The following BMP1 variants were observed in gnomAD, a reference collection of about 807,000 sequenced individuals.
BMP1 encodes bone morphogenetic protein 1.
Under a neutral mutation model 116.8 loss-of-function variants are expected in BMP1, and 63 were observed. That is an observed-to-expected ratio of 0.54 (90% CI 0.44 to 0.67). BMP1 has a LOEUF of 0.67. BMP1 is among the 30% of genes least tolerant of loss of function. BMP1 has a pLI of 0.00. For synonymous variants in BMP1, 536 were observed against 533.4 expected (o/e 1.00, Z -0.07); for missense variants, 1,183 against 1,358.9 (o/e 0.87, Z 2.04).
At chr8:22,205,860 C>T (rs1231220183) in intron 16 of BMP1, among the ~76,000 whole-genome samples, 3 of 152,172 alleles carry the variant, frequency 2.0e-5, no homozygotes, top group Non-Finnish European at 4.4e-5. Flanking sequence ...CAGGAGGTGG[C>T]CACAGAGGGG....
At chr8:22,199,426 C>T (rs1829194144) in intron 15 of BMP1, 2 of 1,249,702 alleles carry the variant, frequency 1.6e-6, no homozygotes, top group South Asian at 1.4e-5. Flanking sequence ...TGCCCACCTC[C>T]TCCACCCCAC....
Position 22,194,823 on chromosome 8 carries a change from C to T in BMP1, c.1543C>T (p.Pro515Ser), listed in dbSNP as rs1172233828. The T allele has an allele frequency of 1.9e-6, 3 of 1,614,094 alleles. No homozygotes were observed. Among genetic ancestry groups the T allele is most frequent in the East Asian group, 4.5e-5 (2 of 44,890 alleles). Residue 515 changes from proline (P) to serine (S), a missense_variant, in exon 12 of 20, where the codon CCT becomes TCT. Around this residue, in one of 4 missense-constraint regions of BMP1, gnomAD observed 956 missense variants for 1,135.2 expected, o/e 0.84. Transcript: ENST00000306385. This position sits in a 1 kb window ranked among gnomAD's most constrained non-coding sequence, Gnocchi z 4.5. The stretch of plus-strand genomic sequence containing the variant: ...CGGGCGCTACTGTGGCTATGAGAAG[C>T]CTGATGACATCAAGAGCACGTCCAG... ...LIGRYCGYEK[P>S]DDIKSTSSRL...
intron 13 of BMP1, chr8:22,196,320 C>CCCT (rs1829089287): frequency 1.8e-6 from 1 of 569,014 alleles, no homozygotes. Flanking sequence ...TGCTGTGCCC[C>CCCT]CGAGCTGCTC....
At chr8:22,165,668 A>G (rs1828073737) in intron 1 of BMP1, 115 bp downstream of exon 1, 1 of 1,217,270 alleles carries the variant, frequency 8.2e-7, no homozygotes, top group African/African-American at 1.6e-5. Context: ...CCTGGTTGGC[A>G]ATGCAGTGGG....
chr8:22,210,371 T>C (rs1402898149), intron 19 of BMP1, among the ~76,000 whole-genome samples: 4 of 147,784 alleles, frequency 2.7e-5, no homozygotes, highest in African/African-American at 1.0e-4. Flanking sequence ...CTTCTTCTTT[T>C]TTTTTTTTTT....
rs945755549 is a variant in BMP1, at chr8:22,192,103, G to A, written c.1132G>A (p.Asp378Asn). 3.1e-6 allele frequency: 5 copies of A among 1,613,834 alleles called. No homozygotes were observed. The African/African-American group carries it at 4.0e-5, about 13-fold the overall frequency. Residue 378 changes from aspartate to asparagine, a missense_variant, in exon 9 of 20, where the codon GAC becomes AAC. By Grantham distance (23) the Asp-to-Asn change is conservative. Transcript: ENST00000306385. ...DLYRSRLCWY[D>N]YVEVRDGFWR... ...GTACCGCAGCCGCCTGTGCTGGTAC[G>A]ACTATGTGGAGGTCCGAGATGGCTT...
At chr8:22,191,995 G>A in intron 8 of BMP1, 54 bp from the exon 9 acceptor site, 1 of 1,490,682 alleles carries the variant, frequency 6.7e-7, no homozygotes, top group Admixed American at 1.7e-5. Flanking sequence ...GGCTGGCAGA[G>A]GGCTGGTGCA....
intron 16 of BMP1, among the ~76,000 whole-genome samples, chr8:22,203,825 G>A (rs1829304682): frequency 6.6e-6 from 1 of 152,148 alleles, no homozygotes; most frequent in Non-Finnish European, 1.5e-5. Context: ...AGCTAGAGGG[G>A]ACCTTATACT....
intron 8 of BMP1, among the ~76,000 whole-genome samples, chr8:22,190,457 G>C (rs1352997239): frequency 6.6e-6 from 1 of 152,192 alleles, no homozygotes; most frequent in Non-Finnish European, 1.5e-5. Flanking sequence ...GATGAGAACT[G>C]ACGGAAAGGC....
At chr8:22,176,003 T>C (rs781765711) in intron 2 of BMP1, 140 bp from the exon 3 acceptor site, 34 of 879,264 alleles carry the variant, frequency 3.9e-5, no homozygotes, top group South Asian at 1.4e-4. Flanking sequence ...CCTGAGAGTA[T>C]TGATTTTGGG....
chr8:22,207,544 A>T (rs761456878), intron 18 of BMP1, 28 bp downstream of exon 18: 2 of 1,606,910 alleles, frequency 1.2e-6, no homozygotes, highest in East Asian at 4.5e-5. Flanking sequence ...GGGAGTGTTC[A>T]CTGAGCCTGG....
rs1398538193 is a variant in BMP1 at position 22,176,203 on chromosome 8, C to G, written c.323C>G (p.Ala108Gly). Residue 108 changes from alanine (A) to glycine (G), a missense_variant, in exon 3 of 20, where the codon GCC becomes GGC. Ala to Gly is a moderately conservative substitution (Grantham distance 60). Transcript: ENST00000306385. ...QSTNGQPQRG[A>G]CGRWRGRSRS... is the part of the protein sequence containing the mutation. Reference sequence around the variant, plus strand: ...ACCAACGGGCAGCCTCAGAGGGGAGCCTGTGGGAGATGGAGAGGTAGATCC... The same window carrying G: ...ACCAACGGGCAGCCTCAGAGGGGAGGCTGTGGGAGATGGAGAGGTAGATCC... 1.2e-6 allele frequency: 2 copies of G among 1,614,162 alleles called. No individual in the cohort carries two copies. Among genetic ancestry groups the G allele is most frequent in the Admixed American group, 1.7e-5 (1 of 60,018 alleles).
intron 8 of BMP1, among the ~76,000 whole-genome samples, chr8:22,181,371 G>C (rs1828615476): frequency 6.6e-6 from 1 of 152,102 alleles, no homozygotes; most frequent in Non-Finnish European, 1.5e-5. Flanking sequence ...ACCTCCTTCA[G>C]GAAGCCTTCC....
At position 22,197,277 on chromosome 8, in the gene BMP1, T is replaced by C. The variant is rs1443366206; in HGVS notation, c.1964T>C (p.Leu655Pro). ...GACTTCGTGGAGGTGCGCAGTGGACTCACAGCTGACTCCAAGCTGCATGGC... is the reference window on the plus strand; with the variant it reads ...GACTTCGTGGAGGTGCGCAGTGGACCCACAGCTGACTCCAAGCTGCATGGC... ...KYDFVEVRSG[L>P]TADSKLHGKF... Residue 655 changes from leucine (L) to proline (P), a missense_variant, in exon 15 of 20, where the codon CTC becomes CCC. Around this residue, in one of 4 missense-constraint regions of BMP1, gnomAD observed 956 missense variants for 1,135.2 expected, o/e 0.84. Coordinates refer to ENST00000306385, the MANE Select transcript of BMP1 (RefSeq NM_006129.5). 1 of 1,613,766 alleles carries C rather than the reference T, an allele frequency of 6.2e-7. No individual in the cohort carries two copies. Among genetic ancestry groups the C allele is most frequent in the South Asian group, 1.1e-5 (1 of 91,082 alleles).
At chr8:22,203,064 C>T (rs146447937) in intron 16 of BMP1, among the ~76,000 whole-genome samples, 2 of 152,188 alleles carry the variant, frequency 1.3e-5, no homozygotes, top group African/African-American at 4.8e-5. Context: ...ATGGCATCAC[C>T]AGTATCCCCT....
At chr8:22,198,044 G>T (rs973451374) in intron 15 of BMP1, among the ~76,000 whole-genome samples, 30 of 152,164 alleles carry the variant, frequency 2.0e-4, no homozygotes, top group Non-Finnish European at 3.7e-4. Flanking sequence ...AATTAGCAGG[G>T]TGTAGTCGTG....
At chr8:22,204,540 T>C (rs923779794) in intron 16 of BMP1, among the ~76,000 whole-genome samples, 27 of 151,832 alleles carry the variant, frequency 1.8e-4, no homozygotes, top group African/African-American at 6.5e-4. Flanking sequence ...CTGGGCAACA[T>C]GGCAACACCC....
chr8:22,198,931 G>A (rs1829170442), intron 15 of BMP1: 1 of 1,245,854 alleles, frequency 8.0e-7, no homozygotes, highest in Non-Finnish European at 1.0e-6. Flanking sequence ...CCAGAGGGTT[G>A]AGAGGATGTA....
chr8:22,188,187 T>G (rs1174974583), intron 8 of BMP1, among the ~76,000 whole-genome samples: 3 of 150,328 alleles, frequency 2.0e-5, no homozygotes, highest in Admixed American at 6.6e-5. Flanking sequence ...GTTTTTTTTT[T>G]TTTTTTTTTT....
Sources: gnomAD v4.1 joint callset for allele counts (sites outside exome capture counted in the v4.1 genomes callset) on GRCh38, gnomAD v4.1.1 for gene constraint, gnomAD v4.1.1 regional missense constraint, Gnocchi (gnomAD v3.1) non-coding constraint, MANE v1.5 for transcripts, NCBI Gene and HGNC (gene_info 2026-07-23, HGNC 2026-07-21) for gene names.